Variants in ATP8B4 observed in about 807,000 individuals in gnomAD.
ATP8B4 encodes probable phospholipid-transporting ATPase IM.
ATP8B4 carries 133 observed loss-of-function variants against 145.6 expected under a neutral mutation model. The ratio of observed to expected loss-of-function variants is 0.91; its 90% CI spans 0.79 to 1.05. The LOEUF (loss-of-function observed/expected upper bound fraction) is 1.05. Ranked by LOEUF, ATP8B4 falls within the 50% of genes least tolerant of loss-of-function variation. ATP8B4 has a pLI of 0.00. For missense variants in ATP8B4, 1,458 were observed against 1,425.2 expected, an observed-to-expected ratio of 1.02 and a Z score of -0.37; for synonymous variants, 507 against 492.9, an observed-to-expected ratio of 1.03 and a Z score of -0.38.
At chr15:50,065,168 T>C (rs938140155) in intron 3 of ATP8B4, among the ~76,000 whole-genome samples, 2 of 152,206 alleles carry the variant, frequency 1.3e-5, no homozygotes, top group Non-Finnish European at 2.9e-5. Context: ...ATTTAGCCAT[T>C]TTGTAATTTA....
At chr15:50,010,065 G>A (rs988191780) in intron 7 of ATP8B4, among the ~76,000 whole-genome samples, 1 of 152,020 alleles carries the variant, frequency 6.6e-6, no homozygotes, top group Non-Finnish European at 1.5e-5. Context: ...AACTCTTGGG[G>A]CCATATTTTT....
intron 9 of ATP8B4, among the ~76,000 whole-genome samples, chr15:49,994,698 C>T (rs2047287939): frequency 6.6e-6 from 1 of 151,966 alleles, no homozygotes; most frequent in African/African-American, 2.4e-5. Flanking sequence ...GGATGCTTAA[C>T]CCCAGTCCTG....
intron 3 of ATP8B4, among the ~76,000 whole-genome samples, chr15:50,058,009 G>A (rs1470251109): frequency 6.6e-6 from 1 of 152,150 alleles, no homozygotes; most frequent in African/African-American, 2.4e-5. Flanking sequence ...GAAAGAGAGA[G>A]AGAGAGAAAA....
Position 50,135,915 on chromosome 15 carries a change from G to A in ATP8B4, c.-42-28907C>T, listed in dbSNP as rs1319313622. On this transcript the variant is annotated intron_variant, in intron 1 of 3. Transcript: ENST00000558829. Reference sequence around the variant, plus strand: ...ATATCTCCCCAAAATTAAACTGAACGGTCCTCTGACGTTTAATAATTCTTT... The same window carrying A: ...ATATCTCCCCAAAATTAAACTGAACAGTCCTCTGACGTTTAATAATTCTTT... Among the ~76,000 whole-genome samples, 9 of 152,114 alleles carry A rather than the reference G, an allele frequency of 5.9e-5. No homozygotes were observed. The East Asian group carries it at 7.7e-4, about 13-fold the overall frequency.
chr15:50,167,155 TTTTGAAG>T (rs2044607802), intron 1 of ATP8B4, among the ~76,000 whole-genome samples: 1 of 152,218 alleles, frequency 6.6e-6, no homozygotes, highest in African/African-American at 2.4e-5. Flanking sequence ...TGCATCCTAG[TTTTGAAG>T]TCAAAATCCC....
rs1279036663 is a variant in ATP8B4, at chr15:50,002,239, A to AT, written c.436-17dup. On this transcript the variant is annotated splice_polypyrimidine_tract_variant and intron_variant, in intron 7 of 27. Transcript: ENST00000284509. ...GTAAATCAGCCTATTTTCAAAAATCATAACAAAAGAATACTTGAGAAGTTA... is the reference window on the plus strand; with the variant it reads ...GTAAATCAGCCTATTTTCAAAAATCATTAACAAAAGAATACTTGAGAAGTTA... 6.9e-6 allele frequency: 11 copies of AT among 1,589,318 alleles called. No individual in the cohort carries two copies. The African/African-American group carries it at 1.5e-4, about 21-fold the overall frequency.
intron 2 of ATP8B4, among the ~76,000 whole-genome samples, chr15:50,103,506 G>C (rs1180968431): frequency 6.6e-6 from 1 of 151,512 alleles, no homozygotes; most frequent in Non-Finnish European, 1.5e-5. Context: ...CCATAAAAAA[G>C]ATACTTAGGA....
At chr15:49,959,911 A>G (rs1269942016) in intron 14 of ATP8B4, among the ~76,000 whole-genome samples, 1 of 152,220 alleles carries the variant, frequency 6.6e-6, no homozygotes, top group African/African-American at 2.4e-5. Context: ...TCTAACAAAA[A>G]TATCATGAGG....
chr15:50,024,278 G>A (rs2049838381), intron 6 of ATP8B4, among the ~76,000 whole-genome samples: 1 of 151,882 alleles, frequency 6.6e-6, no homozygotes, highest in African/African-American at 2.4e-5. Flanking sequence ...CTTAATAACT[G>A]AGCCTAGAAA....
intron 8 of ATP8B4, among the ~76,000 whole-genome samples, chr15:49,998,723 T>A (rs1251885713): frequency 6.6e-6 from 1 of 152,254 alleles, no homozygotes; most frequent in African/African-American, 2.4e-5. Flanking sequence ...TCTTTTGCTG[T>A]GCAGAAGCTC....
intron 20 of ATP8B4, among the ~76,000 whole-genome samples, chr15:49,903,894 C>CAA (rs11287026): frequency 8.8e-5 from 11 of 124,454 alleles, no homozygotes; most frequent in African/African-American, 2.1e-4. Context: ...AACTCCGTCT[C>CAA]AAAAAAAAAA....
chr15:50,016,723 C>G (rs1463052660), intron 6 of ATP8B4, among the ~76,000 whole-genome samples: 2 of 152,182 alleles, frequency 1.3e-5, no homozygotes, highest in Non-Finnish European at 2.9e-5. Flanking sequence ...GGAAAACACT[C>G]TCGTCAGCCA....
chr15:50,068,053 G>A (rs771224402), intron 3 of ATP8B4, among the ~76,000 whole-genome samples: 6 of 152,120 alleles, frequency 3.9e-5, no homozygotes, highest in African/African-American at 7.2e-5. Flanking sequence ...GAGAAACACA[G>A]ATACATTATT....
intron 13 of ATP8B4, among the ~76,000 whole-genome samples, chr15:49,966,924 C>A (rs1458529647): frequency 1.3e-5 from 2 of 152,192 alleles, no homozygotes; most frequent in Non-Finnish European, 2.9e-5. Context: ...GAGGAAAGAA[C>A]AGGCAGCAAT....
intron 1 of ATP8B4, among the ~76,000 whole-genome samples, chr15:50,137,230 G>A (rs1210138376): frequency 6.6e-6 from 1 of 152,196 alleles, no homozygotes; most frequent in Admixed American, 6.5e-5. Context: ...TTATGAGCCA[G>A]CCAATGGGTT....
chr15:49,921,533 C>T (rs534773396), intron 17 of ATP8B4, among the ~76,000 whole-genome samples: 8 of 152,248 alleles, frequency 5.3e-5, no homozygotes, highest in Middle Eastern at 6.8e-3. Context: ...ACTCCCATTC[C>T]GCTTGTGCTT....
chr15:50,121,333 A>G (rs1018750664), upstream of ATP8B4, among the ~76,000 whole-genome samples: 1 of 152,176 alleles, frequency 6.6e-6, no homozygotes, highest in African/African-American at 2.4e-5. Flanking sequence ...CAAGGGCTGC[A>G]GGAAGAGAGT....
chr15:49,880,975 G>A (rs183909480), intron 23 of ATP8B4, among the ~76,000 whole-genome samples: 3 of 152,166 alleles, frequency 2.0e-5, no homozygotes, highest in Non-Finnish European at 4.4e-5. Context: ...AGCCAGGCAT[G>A]GTGGCGGGCG....
intron 1 of ATP8B4, among the ~76,000 whole-genome samples, chr15:50,136,106 T>C (rs536672371): frequency 2.0e-5 from 3 of 152,300 alleles, no homozygotes; most frequent in Admixed American, 6.5e-5. Flanking sequence ...ATGTTAAGCA[T>C]GCCCATTCCA....
Sources: allele counts gnomAD v4.1 joint callset (sites outside exome capture counted in the v4.1 genomes callset), GRCh38; gene constraint gnomAD v4.1.1; transcripts MANE v1.5; gene names NCBI Gene and HGNC (gene_info 2026-07-23, HGNC 2026-07-21).